Variants in GLIS3 observed in about 807,000 individuals in gnomAD.
The protein encoded by GLIS3 is GLIS family zinc finger 3.
GLIS3 carries 53 observed loss-of-function variants against 78.6 expected under a neutral mutation model. That is an observed-to-expected ratio of 0.67 (90% CI 0.54 to 0.85). The LOEUF is 0.85. Ranked by LOEUF, GLIS3 falls within the 40% of genes least tolerant of loss-of-function variation. The pLI is 0.00. For synonymous variants in GLIS3, 684 were observed against 509.9 expected (o/e 1.34, Z -4.60); for missense variants, 1,703 against 1,231.1 (o/e 1.38, Z -5.74).
chr9:4,226,782 T>G (rs892605017), intron 2 of GLIS3, among the ~76,000 whole-genome samples: 1 of 152,172 alleles, frequency 6.6e-6, no homozygotes, highest in African/African-American at 2.4e-5. Context: ...ATTTATCACA[T>G]AAGAGCTGTT....
intron 4 of GLIS3, among the ~76,000 whole-genome samples, chr9:4,008,142 G>A (rs1821709386): frequency 6.6e-6 from 1 of 152,200 alleles, no homozygotes; most frequent in African/African-American, 2.4e-5. Flanking sequence ...AAAGGCCTGA[G>A]AGTGGCTGAG....
intron 2 of GLIS3, among the ~76,000 whole-genome samples, chr9:4,269,593 T>C (rs1826322697): frequency 1.3e-5 from 2 of 152,250 alleles, no homozygotes; most frequent in Admixed American, 6.5e-5. Flanking sequence ...CTTATCTAAC[T>C]ACATCATTAT....
the GLIS3 span, among the ~76,000 whole-genome samples, chr9:4,442,022 GC>G: frequency 1.3e-5 from 2 of 152,316 alleles, no homozygotes; most frequent in African/African-American, 4.8e-5. Flanking sequence ...CTTAAGAAGA[GC>G]TGGTATTAGT....
At chr9:4,159,102 T>A (rs1835276448) in intron 2 of GLIS3, among the ~76,000 whole-genome samples, 1 of 150,528 alleles carries the variant, frequency 6.6e-6, no homozygotes, top group East Asian at 1.9e-4. Context: ...CCAGATAAAT[T>A]TGCAGATGGC....
chr9:4,354,323 G>C, the GLIS3 span, among the ~76,000 whole-genome samples: 8 of 152,282 alleles, frequency 5.3e-5, no homozygotes, highest in Middle Eastern at 3.4e-3. Flanking sequence ...TCGCACTCTT[G>C]AAACAGGACA....
At chr9:4,184,140 T>C (rs1368143366) in intron 2 of GLIS3, among the ~76,000 whole-genome samples, 3 of 152,218 alleles carry the variant, frequency 2.0e-5, no homozygotes, top group Non-Finnish European at 2.9e-5. Flanking sequence ...TTACATATAA[T>C]TAATCACACA....
intron 2 of GLIS3, among the ~76,000 whole-genome samples, chr9:4,154,281 C>G (rs1314415125): frequency 6.6e-6 from 1 of 152,076 alleles, no homozygotes; most frequent in Non-Finnish European, 1.5e-5. Flanking sequence ...GTGGGAGCGT[C>G]ACATCACAAA....
At chr9:4,309,276 A>G (rs1331954763) in intron 3 of GLIS3, among the ~76,000 whole-genome samples, 2 of 152,234 alleles carry the variant, frequency 1.3e-5, no homozygotes, top group East Asian at 3.8e-4. Context: ...AACAAAGAAA[A>G]AGCAAGAAAT....
intron 4 of GLIS3, among the ~76,000 whole-genome samples, chr9:4,032,267 G>A (rs999814506): frequency 5.3e-5 from 8 of 152,198 alleles, no homozygotes; most frequent in African/African-American, 1.7e-4. Flanking sequence ...TGGTTTCAGC[G>A]GAATACCCTT....
intron 2 of GLIS3, among the ~76,000 whole-genome samples, chr9:4,197,083 C>T (rs1818929614): frequency 1.3e-5 from 2 of 152,298 alleles, no homozygotes; most frequent in East Asian, 1.9e-4. Flanking sequence ...CAGAGCCCCT[C>T]CTAGCCTATA....
chr9:4,409,592 G>T, the GLIS3 span, among the ~76,000 whole-genome samples: 505 of 152,202 alleles, frequency 3.3e-3, 3 homozygotes, highest in Non-Finnish European at 6.3e-3. Context: ...TTGTCACAGG[G>T]TGATGTCATA....
intron 4 of GLIS3, among the ~76,000 whole-genome samples, chr9:4,063,822 A>G (rs1239298563): frequency 6.6e-6 from 1 of 152,176 alleles, no homozygotes; most frequent in Non-Finnish European, 1.5e-5. Context: ...CACACTACCA[A>G]CTAATTAAAA....
intron 4 of GLIS3, among the ~76,000 whole-genome samples, chr9:4,024,474 G>T (rs1467536601): frequency 6.6e-6 from 1 of 152,120 alleles, no homozygotes; most frequent in South Asian, 2.1e-4. Context: ...ACACAGATGG[G>T]GCTGCTCCAT....
At chr9:4,198,698 A>C (rs1819092322) in intron 2 of GLIS3, among the ~76,000 whole-genome samples, 1 of 152,198 alleles carries the variant, frequency 6.6e-6, no homozygotes, top group South Asian at 2.1e-4. Context: ...ACCTAGATAC[A>C]AGAAATCCAG....
the GLIS3 span, among the ~76,000 whole-genome samples, chr9:4,387,772 A>T: frequency 4.4e-3 from 670 of 152,350 alleles, 4 homozygotes; most frequent in African/African-American, 0.015. Context: ...AATTGCCAGC[A>T]GCTGTACAGG....
chr9:4,022,378 A>G (rs935666605), intron 4 of GLIS3, among the ~76,000 whole-genome samples: 2 of 152,228 alleles, frequency 1.3e-5, no homozygotes, highest in Non-Finnish European at 2.9e-5. Context: ...GCACATTTTC[A>G]GCATGCGTTT....
At chr9:4,204,597 G>C (rs1450535710) in intron 2 of GLIS3, among the ~76,000 whole-genome samples, 4 of 152,078 alleles carry the variant, frequency 2.6e-5, no homozygotes, top group East Asian at 3.9e-4. Context: ...AGATGGAAGG[G>C]AGTTGATACC....
At chr9:3,929,225 AAG>A (rs1440492677) in intron 6 of GLIS3, among the ~76,000 whole-genome samples, 3 of 152,208 alleles carry the variant, frequency 2.0e-5, no homozygotes, top group African/African-American at 4.8e-5. Context: ...CATTCCATGA[AAG>A]AAGTCTGTAC....
the GLIS3 span, among the ~76,000 whole-genome samples, chr9:4,431,175 T>C: frequency 6.6e-6 from 1 of 152,366 alleles, no homozygotes; most frequent in East Asian, 1.9e-4. Flanking sequence ...ATTCCTGTTT[T>C]GAGTCTTAGA....
Sources: gnomAD v4.1 joint callset for allele counts (sites outside exome capture counted in the v4.1 genomes callset) on GRCh38, gnomAD v4.1.1 for gene constraint, MANE v1.5 for transcripts, NCBI Gene and HGNC (gene_info 2026-07-23, HGNC 2026-07-21) for gene names.